Variants in PPWD1 observed in about 807,000 individuals in gnomAD.
PPWD1 encodes peptidylprolyl isomerase domain and WD repeat containing 1, also known as peptidylprolyl isomerase domain and WD repeat-containing protein 1.
In PPWD1, 43 loss-of-function variants were observed where a neutral mutation model predicts 68.8. The observed-to-expected ratio is 0.62, with a 90% CI of 0.49 to 0.81. The LOEUF (loss-of-function observed/expected upper bound fraction) is 0.81. Among genes scored for constraint, PPWD1 ranks in the 30% least tolerant of loss-of-function variants. PPWD1 has a pLI of 0.00. For synonymous variants in PPWD1, 232 were observed against 258.7 expected (o/e 0.90, Z 0.99); for missense variants, 672 against 804.8 (o/e 0.83, Z 2.00).
chr5:65,586,089 A>G lies in PPWD1; in HGVS notation c.1705A>G (p.Thr569Ala), dbSNP rs774361860. The G allele has an allele frequency of 6.8e-6, 11 of 1,613,690 alleles. No homozygotes were observed. Among genetic ancestry groups the G allele is most frequent in the Middle Eastern group, 1.6e-4 (1 of 6,062 alleles). ...GGEFEDEFHSTLRHDRPYTLS... is the reference protein window; with the variant it reads ...GGEFEDEFHSALRHDRPYTLS... ...AGAATTTGAAGATGAATTTCATTCA[A>G]CATTACGACATGACAGGCCATACAC... Residue 569 changes from threonine to alanine, a missense_variant, in exon 10 of 11, where the codon ACA (threonine) becomes GCA (alanine). By Grantham distance (58) the Thr-to-Ala change is moderately conservative (BLOSUM62 0). Coordinates refer to ENST00000261308, the MANE Select transcript of PPWD1 (RefSeq NM_015342.4).
At chr5:65,575,534 G>C (rs1753241962) in intron 5 of PPWD1, among the ~76,000 whole-genome samples, 1 of 152,152 alleles carries the variant, frequency 6.6e-6, no homozygotes, top group East Asian at 1.9e-4. Context: ...GTTAATATAA[G>C]CATGAAATAA....
chr5:65,578,917 TG>T (rs1246705763), intron 6 of PPWD1, among the ~76,000 whole-genome samples: 1 of 151,774 alleles, frequency 6.6e-6, no homozygotes, highest in Non-Finnish European at 1.5e-5. Flanking sequence ...ATTGGTTTTT[TG>T]TTGTTGTTGT....
intron 7 of PPWD1, among the ~76,000 whole-genome samples, chr5:65,580,355 T>G (rs1300402295): frequency 6.6e-6 from 1 of 152,178 alleles, no homozygotes; most frequent in Non-Finnish European, 1.5e-5. Flanking sequence ...TGTAGCTTTA[T>G]CTTTCTTCAT....
chr5:65,581,586 TA>T (rs1181186937), intron 7 of PPWD1, among the ~76,000 whole-genome samples: 2 of 152,294 alleles, frequency 1.3e-5, no homozygotes, highest in Admixed American at 6.5e-5. Context: ...ACCCTATTGC[TA>T]AACAAAAACA....
In PPWD1 at chr5:65,576,918, G is replaced by A. The variant is rs1321184301; in HGVS notation, c.1009G>A (p.Asp337Asn). 1 of 1,614,146 alleles carries A rather than the reference G, an allele frequency of 6.2e-7. No individual in the cohort carries two copies. Among genetic ancestry groups the A allele is most frequent in the Admixed American group, 1.7e-5 (1 of 60,034 alleles). ...GCAACAGATGAGGCAACAGTTACCA[G>A]ACATGGAATTTGGCCGACGAATGGC... ...ELQQMRQQLP[D>N]MEFGRRMAVE... Residue 337 changes from aspartate (D) to asparagine (N), a missense_variant, in exon 6 of 11, where the codon GAC becomes AAC. This residue lies in a region of PPWD1 where 484 missense variants were observed against 646.2 expected (regional missense o/e 0.75). Transcript: ENST00000261308.
chr5:65,569,281 A>G (rs1752908507), intron 2 of PPWD1: 1 of 276,548 alleles, frequency 3.6e-6, no homozygotes. Context: ...TCAGCTACTG[A>G]CAAATAGTTT....
At chr5:65,570,406 G>A (rs2150593002) in intron 4 of PPWD1, 1 of 765,598 alleles carries the variant, frequency 1.3e-6, no homozygotes, top group African/African-American at 1.9e-5. Context: ...TTAAACTTTG[G>A]AATATATTGA....
chr5:65,585,905 C>A, intron 9 of PPWD1, 94 bp from the exon 10 acceptor site: 5 of 1,515,944 alleles, frequency 3.3e-6, no homozygotes, highest in Non-Finnish European at 4.4e-6. Context: ...GTTAATATTA[C>A]ACTGAATACA....
At chr5:65,583,629 A>T (rs1281839534) in intron 8 of PPWD1, among the ~76,000 whole-genome samples, 1 of 152,178 alleles carries the variant, frequency 6.6e-6, no homozygotes, top group African/African-American at 2.4e-5. Flanking sequence ...CTATCTCTTT[A>T]TAGTTTCAGT....
intron 4 of PPWD1, chr5:65,570,430 G>A: frequency 1.5e-6 from 1 of 651,216 alleles, no homozygotes; most frequent in Non-Finnish European, 1.9e-6. Flanking sequence ...TAAAACTATG[G>A]TTAGATTGTA....
intron 5 of PPWD1, among the ~76,000 whole-genome samples, chr5:65,573,478 T>C (rs1354416449): frequency 1.7e-5 from 1 of 60,144 alleles, no homozygotes; most frequent in Non-Finnish European, 3.4e-5. Flanking sequence ...TATATATATT[T>C]TTTTTTTATT....
At chr5:65,582,276 A>G (rs1341456804) in intron 7 of PPWD1, among the ~76,000 whole-genome samples, 1 of 152,192 alleles carries the variant, frequency 6.6e-6, no homozygotes. Context: ...AACAACTGAA[A>G]GGTTTTTCTC....
At chr5:65,573,532 TTTTTTTTTTTTTTTTTTTTTTA>T (rs374764627) in intron 5 of PPWD1, among the ~76,000 whole-genome samples, 20,208 of 75,330 alleles carry the variant, frequency 0.27, 3,688 homozygotes, top group Admixed American at 0.32. Context: ...TTTTTTTTTT[TTTTTTTTTTTTTTTTTTTTTTA>T]AGTACAGACG....
rs1205213020 is a variant in PPWD1, at chr5:65,579,417, T to A, written c.1161-7T>A. 1 of 1,494,350 alleles carries A rather than the reference T, an allele frequency of 6.7e-7. No individual in the cohort carries two copies. The highest frequency in any genetic ancestry group is 8.9e-7 in the Non-Finnish European group (1 of 1,121,706). The allele number at this position is 1,494,350 out of a possible 1,614,324, so 92.6% of individuals were successfully genotyped here. Reference sequence around the variant, plus strand: ...TTCTGTTGTATAAAACATTGTTATATTTTTAGGTGTGTGCGGATTTTAGGC... The same window carrying A: ...TTCTGTTGTATAAAACATTGTTATAATTTTAGGTGTGTGCGGATTTTAGGC... On this transcript the variant is annotated splice_polypyrimidine_tract_variant and splice_region_variant and intron_variant, in intron 6 of 10. Coordinates refer to ENST00000261308, the MANE Select transcript of PPWD1 (RefSeq NM_015342.4).
At position 65,569,136 on chromosome 5, in the gene PPWD1, A is replaced by G. The variant is rs377013321; in HGVS notation, c.300-496A>G. On this transcript the variant is annotated intron_variant, in intron 2 of 10. Coordinates refer to ENST00000261308, the MANE Select transcript of PPWD1 (RefSeq NM_015342.4). ...GTTTCCATAAATGATTTCTATTTTT[A>G]CATACCTAATAGGAAAGATTCTTCT... 58 of 402,566 alleles carry G rather than the reference A, an allele frequency of 1.4e-4. 1 individual carries two copies. The East Asian group carries it at 3.0e-3, about 21-fold the overall frequency. The allele number at this position is 402,566 out of a possible 1,614,324, so 24.9% of individuals were successfully genotyped here.
chr5:65,564,962 T>C (rs1169294005), intron 1 of PPWD1, among the ~76,000 whole-genome samples: 1 of 152,188 alleles, frequency 6.6e-6, no homozygotes, highest in Non-Finnish European at 1.5e-5. Context: ...AACTCTGAGG[T>C]AGTTATATAT....
At chr5:65,577,224 G>A (rs557455432) in intron 6 of PPWD1, among the ~76,000 whole-genome samples, 155 bp downstream of exon 6, 2 of 152,188 alleles carry the variant, frequency 1.3e-5, no homozygotes, top group East Asian at 1.9e-4. Context: ...ATTTTTCTGT[G>A]GTCTCTTGGT....
chr5:65,578,080 A>G (rs1405972579), intron 6 of PPWD1, among the ~76,000 whole-genome samples: 2 of 152,212 alleles, frequency 1.3e-5, no homozygotes, highest in Non-Finnish European at 2.9e-5. Flanking sequence ...CCAGAATGTG[A>G]TATAGCTAAA....
At chr5:65,583,381 C>G (rs907548848) in intron 8 of PPWD1, 162 bp downstream of exon 8, 5 of 825,486 alleles carry the variant, frequency 6.1e-6, no homozygotes, top group African/African-American at 5.3e-5. Context: ...ATAAGTGTTA[C>G]GGTAGAAAAT....
Sources: allele counts gnomAD v4.1 joint callset (sites outside exome capture counted in the v4.1 genomes callset), GRCh38; gene constraint gnomAD v4.1.1; regional missense constraint gnomAD v4.1.1; transcripts MANE v1.5; gene names NCBI Gene and HGNC (gene_info 2026-07-23, HGNC 2026-07-21).